PPARA: variants seen among roughly 807,000 people sequenced by gnomAD.
PPARA encodes peroxisome proliferator-activated receptor alpha.
Under a neutral mutation model 42.2 loss-of-function variants are expected in PPARA, and 22 were observed. That is an observed-to-expected ratio of 0.52 (90% CI 0.37 to 0.74). PPARA has a LOEUF of 0.74. Among genes scored for constraint, PPARA ranks in the 30% least tolerant of loss-of-function variants. The pLI, the probability that PPARA is intolerant of heterozygous loss-of-function variation, is 0.00. For missense variants in PPARA, 465 were observed against 608.2 expected (o/e 0.76, Z 2.48); for synonymous variants, 242 against 239.3 (o/e 1.01, Z -0.10).
Position 46,241,720 on chromosome 22 carries a change from C to G in PPARA, c.*6340C>G, listed in dbSNP as rs559057599. 23 of 152,226 alleles carry G rather than the reference C, an allele frequency of 1.5e-4. No homozygotes were observed. Among genetic ancestry groups the G allele is most frequent in the African/African-American group, 5.5e-4 (23 of 41,538 alleles). 9.4% of individuals were successfully genotyped at this position (152,226 alleles called of 1,614,324 possible). A position where few individuals can be genotyped will look rare whatever the true frequency, so the allele number is the denominator to read the frequency against. On this transcript the variant is annotated 3_prime_UTR_variant, in exon 9 of 9. Coordinates refer to ENST00000407236, the MANE Select transcript of PPARA (RefSeq NM_005036.6). The surrounding 1 kb of genome is among the most constrained non-coding windows in gnomAD (Gnocchi z 5.7). ...GTTACTTTTCTCCCCCCAGAGAAAC[C>G]CTTTTGTGAGGGGAGAGGAGCTATG...
At position 46,193,314 on chromosome 22, in the gene PPARA, G is replaced by A. The variant is rs963270101; in HGVS notation, c.-42-5028G>A. Among the ~76,000 whole-genome samples the A allele has an allele frequency of 4.6e-5, 7 of 152,278 alleles. No individual in the cohort carries two copies. Among genetic ancestry groups the A allele is most frequent in the African/African-American group, 1.2e-4 (5 of 41,566 alleles). The stretch of plus-strand genomic sequence containing the variant: ...ACTCCTGACCTCAAGTGATCCACTC[G>A]CCTTGGCCTCCCAAATGCTCAGATT... On this transcript the variant is annotated intron_variant, in intron 3 of 8. Transcript: ENST00000407236. The surrounding 1 kb of genome is among the most constrained non-coding windows in gnomAD (Gnocchi z 5.3).
At position 46,230,608 on chromosome 22, in the gene PPARA, C is replaced by T. The variant is rs545720711; in HGVS notation, c.712-1184C>T. 5.6e-4 allele frequency among the ~76,000 whole-genome samples: 85 copies of T among 152,302 alleles called. No individual in the cohort carries two copies. Among genetic ancestry groups the T allele is most frequent in the Middle Eastern group, 6.8e-3 (2 of 292 alleles). ...ATATGGCCAGCCACCTCTTCCACCA[C>T]GAGATCTTCAGGAAATGGCAGGCCA... On this transcript the variant is annotated intron_variant, in intron 7 of 8. Transcript: ENST00000407236. The surrounding 1 kb of genome is among the most constrained non-coding windows in gnomAD (Gnocchi z 5.0).
In PPARA at chr22:46,160,820, C is replaced by T. The variant is rs1029351714; in HGVS notation, c.-127+8850C>T. ...TTAGCCATGTTCAGCTAGTCTCAAA[C>T]TCCTGGGCTCAAGTGATCTGTCCGC... is the stretch of plus-strand genomic sequence containing the variant. On this transcript the variant is annotated intron_variant, in intron 2 of 8. Transcript: ENST00000407236. The surrounding 1 kb of genome is among the most constrained non-coding windows in gnomAD (Gnocchi z 4.5). 6.6e-6 allele frequency among the ~76,000 whole-genome samples: 1 copy of T among 152,182 alleles called. No homozygotes were observed. Among genetic ancestry groups the T allele is most frequent in the African/African-American group, 2.4e-5 (1 of 41,430 alleles).
chr22:46,217,199 C>T lies in PPARA; in HGVS notation c.370-1064C>T, dbSNP rs150724568. 1.3e-4 allele frequency among the ~76,000 whole-genome samples: 20 copies of T among 152,190 alleles called. No individual in the cohort carries two copies. In the East Asian group the frequency reaches 2.5e-3, roughly 19 times the overall value. On this transcript the variant is annotated intron_variant, in intron 5 of 8. Transcript: ENST00000407236. ...AGCCTAGGTAAGGACATTATGAAGA[C>T]GTCAGCCTGCCTCTCACATTCCCCT...
At position 46,184,228 on chromosome 22, in the gene PPARA, T is replaced by G. The variant is rs575479850; in HGVS notation, c.-43+7392T>G. Among the ~76,000 whole-genome samples, 1 of 152,282 alleles carries G rather than the reference T, an allele frequency of 6.6e-6. No individual in the cohort carries two copies. Among genetic ancestry groups the G allele is most frequent in the African/African-American group, 2.4e-5 (1 of 41,562 alleles). ...AAAACAATAATATTGCAGTGCAAATTAAACACAAGCAACCTGCAACACGCC... is the reference window on the plus strand; with the variant it reads ...AAAACAATAATATTGCAGTGCAAATGAAACACAAGCAACCTGCAACACGCC... On this transcript the variant is annotated intron_variant, in intron 3 of 8. Transcript: ENST00000407236. The surrounding 1 kb of genome is among the most constrained non-coding windows in gnomAD (Gnocchi z 4.4).
chr22:46,153,078 T>TC (rs1924695186), intron 2 of PPARA, among the ~76,000 whole-genome samples: 2 of 151,136 alleles, frequency 1.3e-5, no homozygotes, highest in South Asian at 4.2e-4. Flanking sequence ...AGGGCGAGAC[T>TC]CCGTCTCAAA....
intron 4 of PPARA, among the ~76,000 whole-genome samples, chr22:46,214,311 C>T (rs1601769994): frequency 6.7e-6 from 1 of 150,154 alleles, no homozygotes; most frequent in East Asian, 2.0e-4. Context: ...TGTGCGGGTC[C>T]GATGTGTGGG....
rs543248409 is a variant in PPARA, at chr22:46,198,729, C to T, written c.208+138C>T. 4.1e-4 allele frequency: 359 copies of T among 867,822 alleles called. 3 individuals carry two copies. The South Asian group carries it at 4.9e-3, about 12-fold the overall frequency. The allele number at this position is 867,822 out of a possible 1,614,324, so 53.8% of individuals were successfully genotyped here. A position where few individuals can be genotyped will look rare whatever the true frequency, so the allele number is the denominator to read the frequency against. On this transcript the variant is annotated intron_variant, in intron 4 of 8. Coordinates refer to ENST00000407236, the MANE Select transcript of PPARA (RefSeq NM_005036.6). The stretch of plus-strand genomic sequence containing the variant: ...AGGCTGGAGTGCAATGGCTCGATCT[C>T]GGCTCACTGCAGGCTCCACCTCCTG...
At chr22:46,207,191 C>T (rs1933398211) in intron 4 of PPARA, among the ~76,000 whole-genome samples, 1 of 150,832 alleles carries the variant, frequency 6.6e-6, no homozygotes, top group Non-Finnish European at 1.5e-5. Context: ...CCACTGCACA[C>T]CAGCCTGGGT....
chr22:46,174,207 A>AGG, intron 2 of PPARA, among the ~76,000 whole-genome samples: 2 of 149,104 alleles, frequency 1.3e-5, no homozygotes, highest in African/African-American at 4.9e-5. Context: ...AGAGAGAGAG[A>AGG]GAGAGAGAGA....
At chr22:46,215,677 G>A (rs1038163993) in intron 5 of PPARA, among the ~76,000 whole-genome samples, 1 of 152,038 alleles carries the variant, frequency 6.6e-6, no homozygotes, top group Non-Finnish European at 1.5e-5. Context: ...AGGAGCCAGA[G>A]GTTGCAGTGA....
At position 46,233,740 on chromosome 22, in the gene PPARA, G is replaced by GA. The variant is rs1056472682; in HGVS notation, c.1160-1388dup. 1.2e-4 allele frequency among the ~76,000 whole-genome samples: 18 copies of GA among 152,030 alleles called. No individual in the cohort carries two copies. Among genetic ancestry groups the GA allele is most frequent in the African/African-American group, 4.1e-4 (17 of 41,484 alleles). The stretch of plus-strand genomic sequence containing the variant: ...ATCCTATATCAATCCTATGTATATA[G>GA]AAAAATGTCCAGTGAGATATATGTT... On this transcript the variant is annotated intron_variant, in intron 8 of 8. Coordinates refer to ENST00000407236, the MANE Select transcript of PPARA (RefSeq NM_005036.6). The surrounding 1 kb of genome is among the most constrained non-coding windows in gnomAD (Gnocchi z 7.3).
rs1347418163 is a variant in PPARA, at chr22:46,196,334, C to A, written c.-42-2008C>A. Among the ~76,000 whole-genome samples the A allele has an allele frequency of 6.6e-6, 1 of 152,238 alleles. No homozygotes were observed. Among genetic ancestry groups the A allele is most frequent in the African/African-American group, 2.4e-5 (1 of 41,468 alleles). On this transcript the variant is annotated intron_variant, in intron 3 of 8. Coordinates refer to ENST00000407236, the MANE Select transcript of PPARA (RefSeq NM_005036.6). This position sits in a 1 kb window ranked among gnomAD's most constrained non-coding sequence, Gnocchi z 5.6. ...ACTCCACAAAGTATTCTTGACCATA[C>A]AATCATGGTCGAGGACCCCCTACAT...
chr22:46,188,144 A>G lies in PPARA; in HGVS notation c.-42-10198A>G, dbSNP rs932889642. On this transcript the variant is annotated intron_variant, in intron 3 of 8. Transcript: ENST00000407236. The surrounding 1 kb of genome is among the most constrained non-coding windows in gnomAD (Gnocchi z 5.0). Reference sequence around the variant, plus strand: ...GAATTATCCCAGGTCAGACCAGTAGAAGAGCCACCTGGCTGAGCTCAGCCC... The same window carrying G: ...GAATTATCCCAGGTCAGACCAGTAGGAGAGCCACCTGGCTGAGCTCAGCCC... Among the ~76,000 whole-genome samples the G allele has an allele frequency of 9.9e-5, 15 of 152,252 alleles. No individual in the cohort carries two copies. Among genetic ancestry groups the G allele is most frequent in the African/African-American group, 3.4e-4 (14 of 41,464 alleles).
chr22:46,198,626 A>G (rs771664116), intron 4 of PPARA, 35 bp downstream of exon 4: 1 of 1,572,462 alleles, frequency 6.4e-7, no homozygotes, highest in East Asian at 2.2e-5. Context: ...TTTTATTTAG[A>G]AATGTTTCTT....
chr22:46,225,994 C>A lies in PPARA; in HGVS notation c.712-5798C>A, dbSNP rs905928901. ...ACCCATACAGTCACACACATGCATA[C>A]ACACACATACAAACACATGCATTCA... On this transcript the variant is annotated intron_variant, in intron 7 of 8. Coordinates refer to ENST00000407236, the MANE Select transcript of PPARA (RefSeq NM_005036.6). This position sits in a 1 kb window ranked among gnomAD's most constrained non-coding sequence, Gnocchi z 4.1. Among the ~76,000 whole-genome samples the A allele has an allele frequency of 6.6e-6, 1 of 151,788 alleles. No individual in the cohort carries two copies. The highest frequency in any genetic ancestry group is 2.4e-5 in the African/African-American group (1 of 41,182).
intron 4 of PPARA, among the ~76,000 whole-genome samples, chr22:46,207,277 ATTTTTT>A (rs76116601): frequency 3.3e-5 from 4 of 119,588 alleles, no homozygotes; most frequent in African/African-American, 1.3e-4. Context: ...TACATTGGCA[ATTTTTT>A]TTTTTTTTTT....
rs566063249 is a variant in PPARA, at chr22:46,183,270, A to G, written c.-43+6434A>G. 9.7e-4 allele frequency among the ~76,000 whole-genome samples: 147 copies of G among 152,324 alleles called. No individual in the cohort carries two copies. The highest frequency in any genetic ancestry group is 3.1e-3 in the African/African-American group (128 of 41,578). On this transcript the variant is annotated intron_variant, in intron 3 of 8. Coordinates refer to ENST00000407236, the MANE Select transcript of PPARA (RefSeq NM_005036.6). The surrounding 1 kb of genome is among the most constrained non-coding windows in gnomAD (Gnocchi z 5.5). ...GAGTTCAGGTAATCCTCACATTGCA[A>G]TTTGTCATTAGTTTAAACTTCCAGT... is the stretch of plus-strand genomic sequence containing the variant.
Position 46,219,764 on chromosome 22 carries a change from A to C in PPARA, c.509-48A>C. ...GCCCCTCGTCCAGCCCTGTCCGCGCAGTCATGACCTCACTGCTCATGCCTG... is the reference window on the plus strand; with the variant it reads ...GCCCCTCGTCCAGCCCTGTCCGCGCCGTCATGACCTCACTGCTCATGCCTG... On this transcript the variant is annotated intron_variant, in intron 6 of 8. Transcript: ENST00000407236. The surrounding 1 kb of genome is among the most constrained non-coding windows in gnomAD (Gnocchi z 4.8). The C allele has an allele frequency of 6.3e-7, 1 of 1,590,960 alleles. No homozygotes were observed. Among genetic ancestry groups the C allele is most frequent in the Non-Finnish European group, 8.6e-7 (1 of 1,159,404 alleles).
Sources: gnomAD v4.1 joint callset for allele counts (sites outside exome capture counted in the v4.1 genomes callset) on GRCh38, gnomAD v4.1.1 for gene constraint, Gnocchi (gnomAD v3.1) non-coding constraint, MANE v1.5 for transcripts, NCBI Gene and HGNC (gene_info 2026-07-23, HGNC 2026-07-21) for gene names.